Variants in STRN observed in about 807,000 individuals in gnomAD.
STRN encodes the protein striatin.
STRN carries 53 observed loss-of-function variants against 96.3 expected under a neutral mutation model. The ratio of observed to expected loss-of-function variants is 0.55; its 90% CI spans 0.44 to 0.69. The LOEUF (loss-of-function observed/expected upper bound fraction) is 0.69, where lower values mean the gene tolerates loss of function less well. Among genes scored for constraint, STRN ranks in the 30% least tolerant of loss-of-function variants. The pLI, the probability that STRN is intolerant of heterozygous loss-of-function variation, is 0.00. For synonymous variants in STRN, 428 were observed against 355.9 expected, an observed-to-expected ratio of 1.20 and a Z score of -2.28; for missense variants, 987 against 963.9, an observed-to-expected ratio of 1.02 and a Z score of -0.32.
chr2:36,966,424 T>A lies in STRN; in HGVS notation c.40A>T (p.Asn14Tyr), dbSNP rs1665166476. 1 of 1,465,000 alleles carries A rather than the reference T, an allele frequency of 6.8e-7. No individual in the cohort carries two copies. The highest frequency in any genetic ancestry group is 1.3e-5 in the South Asian group (1 of 75,136). 90.8% of individuals were successfully genotyped at this position (1,465,000 alleles called of 1,614,324 possible). The stretch of plus-strand genomic sequence containing the variant: ...TTGGCACCGCCGGCGCCCGGGTGGT[T>A]GTTGCTGAAGAAGACGCCGGGACCC... ...QAGPGVFFSNNHPGAGGAKGL... is the reference protein window; with the variant it reads ...QAGPGVFFSNYHPGAGGAKGL... Residue 14 changes from asparagine (N) to tyrosine (Y), a missense_variant, in exon 1 of 18, where the codon AAC (asparagine) becomes TAC (tyrosine). Physicochemically the swap from Asn to Tyr is moderately radical, Grantham distance 143. Coordinates refer to ENST00000263918, the MANE Select transcript of STRN (RefSeq NM_003162.4).
chr2:36,901,451 C>G (rs971347785), intron 5 of STRN, among the ~76,000 whole-genome samples: 2 of 150,978 alleles, frequency 1.3e-5, no homozygotes, highest in Non-Finnish European at 2.9e-5. Flanking sequence ...ACTCGGGAGG[C>G]TGAGGCAGGA....
chr2:36,938,196 C>A (rs571937967), intron 1 of STRN, among the ~76,000 whole-genome samples: 1 of 151,950 alleles, frequency 6.6e-6, no homozygotes, highest in African/African-American at 2.4e-5. Context: ...GAGGCCGAGG[C>A]GGGTGGATCA....
At chr2:36,895,443 C>G (rs182308116) in intron 6 of STRN, among the ~76,000 whole-genome samples, 1 of 152,218 alleles carries the variant, frequency 6.6e-6, no homozygotes, top group African/African-American at 2.4e-5. Context: ...TCTATGCTTA[C>G]AGCACCTCCC....
intron 12 of STRN, among the ~76,000 whole-genome samples, chr2:36,867,058 C>A (rs951956091): frequency 2.6e-5 from 4 of 152,144 alleles, no homozygotes; most frequent in Non-Finnish European, 5.9e-5. Flanking sequence ...CCCATTTGAT[C>A]CTGTGATCAT....
chr2:36,886,107 G>C (rs948477856), intron 8 of STRN, among the ~76,000 whole-genome samples: 6 of 152,032 alleles, frequency 3.9e-5, no homozygotes, highest in African/African-American at 1.4e-4. Context: ...TTTTGATGTG[G>C]CATACATTAA....
intron 1 of STRN, among the ~76,000 whole-genome samples, chr2:36,941,180 T>C (rs185359878): frequency 1.3e-5 from 2 of 152,240 alleles, no homozygotes; most frequent in Admixed American, 6.5e-5. Context: ...TAAATTAAAA[T>C]GATAAAACCC....
At chr2:36,868,007 A>G (rs567285673) in intron 11 of STRN, 146 bp from the exon 12 acceptor site, 2 of 466,438 alleles carry the variant, frequency 4.3e-6, no homozygotes. Flanking sequence ...CTTACTTAAC[A>G]CCAATTATAC....
At chr2:36,936,570 A>T (rs1340872626) in intron 1 of STRN, among the ~76,000 whole-genome samples, 1 of 152,204 alleles carries the variant, frequency 6.6e-6, no homozygotes, top group Non-Finnish European at 1.5e-5. Context: ...ATTGAACAGG[A>T]CTTAACAGAA....
chr2:36,952,084 A>C (rs1004756802), intron 1 of STRN, among the ~76,000 whole-genome samples: 1 of 152,228 alleles, frequency 6.6e-6, no homozygotes, highest in African/African-American at 2.4e-5. Context: ...TGGCTTATTC[A>C]AGAATGACAA....
chr2:36,856,892 G>C (rs1056196555), intron 14 of STRN, among the ~76,000 whole-genome samples: 1 of 152,034 alleles, frequency 6.6e-6, no homozygotes, highest in Non-Finnish European at 1.5e-5. Flanking sequence ...TCCTGCTCCG[G>C]CCATGTAAAA....
Position 36,873,623 on chromosome 2 carries a change from T to C in STRN, c.1324-3894A>G, listed in dbSNP as rs113851686. 3.2e-3 allele frequency among the ~76,000 whole-genome samples: 490 copies of C among 152,014 alleles called. 1 individual carries two copies. Among genetic ancestry groups the C allele is most frequent in the African/African-American group, 0.012 (478 of 41,432 alleles). The stretch of plus-strand genomic sequence containing the variant: ...AGGAGATAAAAGACAAGATTGAAAA[T>C]TTTGGAAGAAATCTGTAAACAATCT... On this transcript the variant is annotated intron_variant, in intron 10 of 17. Transcript: ENST00000263918.
intron 7 of STRN, among the ~76,000 whole-genome samples, chr2:36,893,097 C>A (rs942479185): frequency 5.3e-5 from 8 of 151,842 alleles, no homozygotes; most frequent in Non-Finnish European, 1.0e-4. Context: ...TACTGCTGAG[C>A]TAGAAAGAAA....
intron 7 of STRN, among the ~76,000 whole-genome samples, chr2:36,890,544 C>T (rs1281651895): frequency 1.5e-5 from 2 of 133,888 alleles, no homozygotes; most frequent in Non-Finnish European, 1.5e-5. Context: ...AGTGCAATGG[C>T]GTCATCTTGG....
intron 1 of STRN, among the ~76,000 whole-genome samples, 196 bp from the exon 2 acceptor site, chr2:36,925,404 G>A (rs1425631376): frequency 6.6e-6 from 1 of 152,024 alleles, no homozygotes; most frequent in Non-Finnish European, 1.5e-5. Flanking sequence ...AAGGGCTGGG[G>A]GGACATCTAA....
At chr2:36,883,142 C>T (rs1177341261) in intron 9 of STRN, among the ~76,000 whole-genome samples, 1 of 152,020 alleles carries the variant, frequency 6.6e-6, no homozygotes, top group African/African-American at 2.4e-5. Flanking sequence ...TAGGTATATT[C>T]TATACCTGTA....
In STRN at chr2:36,965,527, A is replaced by T. The variant is rs556585663; in HGVS notation, c.234+703T>A. 2.9e-4 allele frequency among the ~76,000 whole-genome samples: 44 copies of T among 152,342 alleles called. No homozygotes were observed. In the East Asian group the frequency reaches 8.3e-3, roughly 29 times the overall value. On this transcript the variant is annotated intron_variant, in intron 1 of 17. Coordinates refer to ENST00000263918, the MANE Select transcript of STRN (RefSeq NM_003162.4). ...ACTGAACATAAAATTAACCCTTGGG[A>T]AGTTTCAGATTCTGAGAACAGGAAC...
chr2:36,881,052 T>G (rs1484466738), intron 9 of STRN, among the ~76,000 whole-genome samples: 2 of 148,414 alleles, frequency 1.3e-5, no homozygotes, highest in Admixed American at 6.7e-5. Flanking sequence ...TTCCTAGCCC[T>G]AATCAGCTTT....
chr2:36,850,109 C>T (rs1010508927), intron 16 of STRN, among the ~76,000 whole-genome samples: 1 of 152,196 alleles, frequency 6.6e-6, no homozygotes, highest in Non-Finnish European at 1.5e-5. Context: ...TATTAATCAC[C>T]TACTTTGCAT....
intron 1 of STRN, among the ~76,000 whole-genome samples, chr2:36,962,800 G>A (rs1017420115): frequency 3.3e-5 from 5 of 152,226 alleles, no homozygotes; most frequent in African/African-American, 9.6e-5. Flanking sequence ...GAGCCACCGC[G>A]CCCGGCCTCT....
Sources: allele counts gnomAD v4.1 joint callset (sites outside exome capture counted in the v4.1 genomes callset), GRCh38; gene constraint gnomAD v4.1.1; transcripts MANE v1.5; gene names NCBI Gene and HGNC (gene_info 2026-07-23, HGNC 2026-07-21).